CHDH: variants seen among roughly 807,000 people sequenced by gnomAD.
CHDH encodes the protein choline dehydrogenase.
A neutral mutation model predicts 56.9 loss-of-function variants in CHDH; 43 were observed. The observed-to-expected ratio is 0.76, with a 90% CI of 0.59 to 0.97. The LOEUF (loss-of-function observed/expected upper bound fraction) is 0.97. Among genes scored for constraint, CHDH ranks in the 50% least tolerant of loss-of-function variants. CHDH has a pLI of 0.00. For synonymous variants in CHDH, 364 were observed against 348.5 expected, an observed-to-expected ratio of 1.04 and a Z score of -0.50; for missense variants, 816 against 821.1, an observed-to-expected ratio of 0.99 and a Z score of 0.08.
intron 2 of CHDH, among the ~76,000 whole-genome samples, chr3:53,835,531 T>C (rs1245044579): frequency 6.6e-6 from 1 of 152,222 alleles, no homozygotes; most frequent in Non-Finnish European, 1.5e-5. Flanking sequence ...TGGGGGTCAT[T>C]TGCCAAAGGA....
At chr3:53,818,851 G>A in intron 8 of CHDH, 87 bp downstream of exon 8, 1 of 877,324 alleles carries the variant, frequency 1.1e-6, no homozygotes, top group South Asian at 1.3e-5. Context: ...AGAAAGTGTA[G>A]TCCAAGGGTA....
intron 6 of CHDH, 143 bp downstream of exon 6, chr3:53,820,331 T>C (rs2095623780): frequency 1.6e-5 from 16 of 977,854 alleles, no homozygotes; most frequent in Non-Finnish European, 2.2e-5. Context: ...ATTTTGAAGA[T>C]GGAAAAACTG....
chr3:53,841,130 A>G (rs1698658244), intron 1 of CHDH, 131 bp from the exon 2 acceptor site: 1 of 152,116 alleles, frequency 6.6e-6, no homozygotes, highest in African/African-American at 2.4e-5. Context: ...TATATCTTCC[A>G]TTTTATTATA....
At chr3:53,818,229 C>CTT (rs755755445) in intron 8 of CHDH, 34 bp from the exon 9 acceptor site, 9 of 1,549,564 alleles carry the variant, frequency 5.8e-6, no homozygotes, top group Non-Finnish European at 7.0e-6. Flanking sequence ...AGGACCCCTC[C>CTT]TTTTGCCCGT....
At chr3:53,843,528 C>G (rs1698747444) in intron 1 of CHDH, among the ~76,000 whole-genome samples, 1 of 152,148 alleles carries the variant, frequency 6.6e-6, no homozygotes, top group South Asian at 2.1e-4. Context: ...CTTCCAGGCT[C>G]TGGCAGAGGC....
At chr3:53,832,970 TA>T (rs1698383893) in intron 2 of CHDH, among the ~76,000 whole-genome samples, 1 of 152,202 alleles carries the variant, frequency 6.6e-6, no homozygotes, top group Non-Finnish European at 1.5e-5. Context: ...TCTTGTTAAG[TA>T]AATCAAATCT....
chr3:53,823,276 C>T, intron 3 of CHDH, 30 bp downstream of exon 3: 2 of 1,471,116 alleles, frequency 1.4e-6, no homozygotes, highest in South Asian at 2.8e-5. Flanking sequence ...GGGGGTAGTG[C>T]TTTTTTAAAA....
chr3:53,833,033 G>A (rs1233034159), intron 2 of CHDH, among the ~76,000 whole-genome samples: 1 of 152,218 alleles, frequency 6.6e-6, no homozygotes, highest in African/African-American at 2.4e-5. Context: ...CCTCTGAGCA[G>A]GGAGGCATTC....
At position 53,816,145 on chromosome 3, in the gene CHDH, CG is replaced by C. The variant is rs1559744168; in HGVS notation, c.*1631del. On this transcript the variant is annotated 3_prime_UTR_variant, in exon 9 of 9. Coordinates refer to ENST00000315251, the MANE Select transcript of CHDH (RefSeq NM_018397.5). ...GTGGCTGTCGGACGCCCCCCCCCCC[CG>C]CCCCAGTCTGTAAGCCGCCCCAATC... 1,131 of 109,268 alleles carry C rather than the reference CG, an allele frequency of 0.01. No individual in the cohort carries two copies. Among genetic ancestry groups the C allele is most frequent in the African/African-American group, 0.015 (379 of 25,226 alleles). The allele number at this position is 109,268 out of a possible 1,614,324, so 6.8% of individuals were successfully genotyped here.
At chr3:53,821,543 C>CACTG in intron 5 of CHDH, 104 bp downstream of exon 5, 1 of 1,013,420 alleles carries the variant, frequency 9.9e-7, no homozygotes, top group East Asian at 2.4e-5. Context: ...TTCCAAGGAT[C>CACTG]ACTGACTGCC....
chr3:53,845,531 CACT>C (rs1219735897), intron 1 of CHDH, among the ~76,000 whole-genome samples: 1 of 152,202 alleles, frequency 6.6e-6, no homozygotes, highest in Admixed American at 6.5e-5. Context: ...TCTGTGACTC[CACT>C]GTTAGCCCAG....
Position 53,826,809 on chromosome 3 carries a change from C to T in CHDH, c.-59-2742G>A, listed in dbSNP as rs146096684. On this transcript the variant is annotated intron_variant, in intron 2 of 8. Transcript: ENST00000315251. Reference sequence around the variant, plus strand: ...GATTGGGAAGGAAGAAATGAAACTTCGTTTGCTAATGACATGATTGTCCAT... The same window carrying T: ...GATTGGGAAGGAAGAAATGAAACTTTGTTTGCTAATGACATGATTGTCCAT... Among the ~76,000 whole-genome samples the T allele has an allele frequency of 3.9e-3, 590 of 152,242 alleles. 2 individuals carry two copies. The highest frequency in any genetic ancestry group is 8.6e-3 in the African/African-American group (359 of 41,546).
At chr3:53,842,791 C>T (rs886373597) in intron 1 of CHDH, among the ~76,000 whole-genome samples, 2 of 152,116 alleles carry the variant, frequency 1.3e-5, no homozygotes, top group Admixed American at 6.5e-5. Context: ...TCCCTCAAAG[C>T]AGGCATTAAA....
chr3:53,833,914 C>T (rs975361650), intron 2 of CHDH, among the ~76,000 whole-genome samples: 7 of 152,282 alleles, frequency 4.6e-5, no homozygotes, highest in East Asian at 1.9e-4. Flanking sequence ...TCCATCTGGC[C>T]GGCTGGCCTT....
intron 8 of CHDH, 68 bp downstream of exon 8, chr3:53,818,870 G>T: frequency 1.0e-6 from 1 of 963,660 alleles, no homozygotes; most frequent in South Asian, 1.3e-5. Context: ...TATGATTCAG[G>T]GATAAACAGG....
intron 3 of CHDH, 93 bp from the exon 4 acceptor site, chr3:53,822,735 C>T (rs1017944515): frequency 1.5e-5 from 21 of 1,447,152 alleles, no homozygotes; most frequent in Non-Finnish European, 1.9e-5. Flanking sequence ...AGTGGATATG[C>T]CCAGCTCTGA....
rs771560714 is a variant in CHDH at position 53,818,200 on chromosome 3, C to G, written c.1367-5G>C. ...GGAAATCCTCAATATCAGTTTCTGT[C>G]GAGGAGAAGAAACAGGTGAGGACCC... On this transcript the variant is annotated splice_region_variant and splice_polypyrimidine_tract_variant and intron_variant, in intron 8 of 8. Transcript: ENST00000315251. The G allele has an allele frequency of 4.8e-5, 77 of 1,591,924 alleles. No homozygotes were observed. Among genetic ancestry groups the G allele is most frequent in the Non-Finnish European group, 6.6e-5 (77 of 1,170,428 alleles).
intron 3 of CHDH, 110 bp downstream of exon 3, chr3:53,823,195 GC>G (rs1227207930): frequency 5.0e-6 from 5 of 1,008,150 alleles, no homozygotes; most frequent in Non-Finnish European, 7.0e-6. Flanking sequence ...GCCTCAGTCT[GC>G]CCATGCCTCC....
chr3:53,825,810 A>C lies in CHDH; in HGVS notation c.-59-1743T>G, dbSNP rs114965217. 7.6e-3 allele frequency among the ~76,000 whole-genome samples: 1,165 copies of C among 152,314 alleles called. 9 individuals carry two copies. Among genetic ancestry groups the C allele is most frequent in the Non-Finnish European group, 0.012 (796 of 68,018 alleles). ...GTTAAGCTGCTGAAACTTCAAAATAAAGAGAAAATCATCACTGTAGCCAGA... is the reference window on the plus strand; with the variant it reads ...GTTAAGCTGCTGAAACTTCAAAATACAGAGAAAATCATCACTGTAGCCAGA... On this transcript the variant is annotated intron_variant, in intron 2 of 8. Transcript: ENST00000315251.
Sources: allele counts gnomAD v4.1 joint callset (sites outside exome capture counted in the v4.1 genomes callset), GRCh38; gene constraint gnomAD v4.1.1; transcripts MANE v1.5; gene names NCBI Gene and HGNC (gene_info 2026-07-23, HGNC 2026-07-21).